The following CREB1 variants were observed in gnomAD, a reference collection of about 807,000 sequenced individuals.
CREB1 encodes cAMP responsive element binding protein 1, also known as cyclic AMP-responsive element-binding protein 1.
In CREB1, 2 loss-of-function variants were observed where a neutral mutation model predicts 42.0. The observed-to-expected ratio is 0.05, with a 90% CI of 0.02 to 0.15. The LOEUF (loss-of-function observed/expected upper bound fraction) is 0.15, where lower values mean the gene tolerates loss of function less well. Ranked by LOEUF, CREB1 falls within the 10% of genes least tolerant of loss-of-function variation. The pLI is 1.00. For synonymous variants in CREB1, 123 were observed against 139.9 expected (o/e 0.88, Z 0.85); for missense variants, 199 against 388.9 (o/e 0.51, Z 4.11).
At chr2:207,595,637 C>T (rs2106636783) in intron 7 of CREB1, among the ~76,000 whole-genome samples, 1 of 152,214 alleles carries the variant, frequency 6.6e-6, no homozygotes, top group East Asian at 1.9e-4. Flanking sequence ...GATCACGGCT[C>T]ACTGCAACCT....
intron 7 of CREB1, among the ~76,000 whole-genome samples, chr2:207,580,334 A>G (rs2106602092): frequency 6.6e-6 from 1 of 152,334 alleles, no homozygotes; most frequent in African/African-American, 2.4e-5. Context: ...AGGGATGTGT[A>G]GCCTAAGGAG....
At chr2:207,596,839 GAAAAA>G (rs72094349) in intron 7 of CREB1, 70 bp from the exon 8 acceptor site, 9 of 1,363,620 alleles carry the variant, frequency 6.6e-6, no homozygotes, top group Admixed American at 2.5e-5. Flanking sequence ...CTTTAAAAAA[GAAAAA>G]AAAAAGGTAA....
intron 6 of CREB1, among the ~76,000 whole-genome samples, chr2:207,576,241 C>CTTTTTTTTTTTTTTTTTTTGTTT (rs35735523): frequency 1.2e-4 from 12 of 101,062 alleles, no homozygotes; most frequent in African/African-American, 2.7e-4. Flanking sequence ...CTTTTTTTGG[C>CTTTTTTTTTTTTTTTTTTTGTTT]TTTTTTTTTT....
chr2:207,555,729 C>A lies in CREB1; in HGVS notation c.94C>A (p.Gln32Lys). The A allele has an allele frequency of 1.2e-6, 2 of 1,612,284 alleles. No individual in the cohort carries two copies. The highest frequency in any genetic ancestry group is 1.7e-6 in the Non-Finnish European group (2 of 1,178,492). The stretch of plus-strand genomic sequence containing the variant: ...ACAAATGACAGTTCAAGCCCAGCCA[C>A]AGATTGCCACATTAGCCCAGGTATA... ...NQQMTVQAQPQIATLAQVSMP... is the reference protein window; with the variant it reads ...NQQMTVQAQPKIATLAQVSMP... The change falls in exon 2 of 8, where the codon CAG (glutamine) becomes AAG (lysine). Residue 32 changes from glutamine to lysine, a missense_variant. By Grantham distance (53) the Gln-to-Lys change is moderately conservative. Coordinates refer to ENST00000353267, the MANE Select transcript of CREB1 (RefSeq NM_004379.5).
chr2:207,591,550 A>G (rs1168223641), intron 7 of CREB1, among the ~76,000 whole-genome samples: 1 of 152,170 alleles, frequency 6.6e-6, no homozygotes, highest in African/African-American at 2.4e-5. Context: ...CTCGTGCCTC[A>G]GCTTCCAAAA....
At chr2:207,563,532 C>T (rs890099608) in intron 3 of CREB1, among the ~76,000 whole-genome samples, 3 of 152,158 alleles carry the variant, frequency 2.0e-5, no homozygotes, top group Admixed American at 6.5e-5. Context: ...AGTAAGCATA[C>T]CTCAAATGCA....
chr2:207,585,511 A>G (rs950189313), intron 7 of CREB1, among the ~76,000 whole-genome samples: 1 of 152,240 alleles, frequency 6.6e-6, no homozygotes, highest in Admixed American at 6.5e-5. Context: ...AGGACACAAG[A>G]AACATAAAAT....
At chr2:207,558,114 T>G (rs1353465497) in intron 2 of CREB1, among the ~76,000 whole-genome samples, 1 of 152,138 alleles carries the variant, frequency 6.6e-6, no homozygotes, top group Non-Finnish European at 1.5e-5. Flanking sequence ...TAAGCAAGAT[T>G]TATAGTGGCC....
At chr2:207,560,413 T>C in intron 3 of CREB1, 41 bp downstream of exon 3, 1 of 1,584,576 alleles carries the variant, frequency 6.3e-7, no homozygotes, top group Non-Finnish European at 8.6e-7. Flanking sequence ...TAATAACTTT[T>C]GTTTATAGCC....
intron 1 of CREB1, among the ~76,000 whole-genome samples, chr2:207,535,458 T>C (rs1245370178): frequency 1.3e-5 from 2 of 152,178 alleles, no homozygotes; most frequent in African/African-American, 4.8e-5. Flanking sequence ...TCATGGGATA[T>C]TATTACCCAG....
intron 3 of CREB1, among the ~76,000 whole-genome samples, chr2:207,564,691 G>T (rs1047478129): frequency 9.9e-5 from 15 of 152,026 alleles, no homozygotes; most frequent in African/African-American, 3.4e-4. Context: ...TAATCGAAAC[G>T]GGGTCCTCCA....
chr2:207,538,916 A>G (rs1372722924), intron 1 of CREB1, among the ~76,000 whole-genome samples: 2 of 152,252 alleles, frequency 1.3e-5, no homozygotes, highest in Non-Finnish European at 2.9e-5. Flanking sequence ...CCAAGGTTAA[A>G]TAACCATTAT....
Position 207,602,916 on chromosome 2 carries a change from T to C in CREB1, c.*5858T>C, listed in dbSNP as rs2087338299. 1 of 216,334 alleles carries C rather than the reference T, an allele frequency of 4.6e-6. No homozygotes were observed. The highest frequency in any genetic ancestry group is 9.3e-6 in the Non-Finnish European group (1 of 107,402). The allele number at this position is 216,334 out of a possible 1,614,324, so 13.4% of individuals were successfully genotyped here. A position where few individuals can be genotyped will look rare whatever the true frequency, so the allele number is the denominator to read the frequency against. On this transcript the variant is annotated 3_prime_UTR_variant, in exon 8 of 8. Coordinates refer to ENST00000353267, the MANE Select transcript of CREB1 (RefSeq NM_004379.5). ...CACTCCCTGCAAAAGGAATTATTTC[T>C]AACCCAGATGTATCACTTGAAACTT...
At chr2:207,556,686 C>T (rs1280886429) in intron 2 of CREB1, among the ~76,000 whole-genome samples, 2 of 152,180 alleles carry the variant, frequency 1.3e-5, no homozygotes, top group East Asian at 3.8e-4. Flanking sequence ...GGGTTTACCT[C>T]CAGCCTTCAG....
rs559124215 is a variant in CREB1 at position 207,578,804 on chromosome 2, C to T, written c.839+1149C>T. ...ACAAGCCAAGTGACTTTTTTTTTTT[C>T]TCCCGAGATGAAGTCTTGCTCTGTC... On this transcript the variant is annotated intron_variant, in intron 7 of 7. Transcript: ENST00000353267. 4.7e-4 allele frequency among the ~76,000 whole-genome samples: 70 copies of T among 148,954 alleles called. 1 individual carries two copies. The highest frequency in any genetic ancestry group is 4.5e-3 in the Admixed American group (68 of 15,046).
intron 1 of CREB1, among the ~76,000 whole-genome samples, chr2:207,548,976 A>G (rs940682743): frequency 2.0e-5 from 3 of 152,224 alleles, no homozygotes; most frequent in Admixed American, 1.3e-4. Context: ...TTGCTTTGTA[A>G]TATCTAGATT....
chr2:207,534,725 A>G (rs1011841462), intron 1 of CREB1: 13 of 152,246 alleles, frequency 8.5e-5, no homozygotes, highest in Non-Finnish European at 5.9e-5. Flanking sequence ...GGTTTTTTGA[A>G]TAAGTAATTC....
intron 6 of CREB1, 97 bp from the exon 7 acceptor site, chr2:207,577,408 T>G: frequency 1.4e-6 from 2 of 1,464,168 alleles, no homozygotes; most frequent in South Asian, 1.3e-5. Flanking sequence ...TTGTTTCCCT[T>G]TTAGTCCAAA....
rs1224081323 is a variant in CREB1 at position 207,597,308 on chromosome 2, C to T, written c.*250C>T. Reference sequence around the variant, plus strand: ...TCATGAAGAGACTTCTGCTTTTCAACCCCCACCCTCCTCAAGAAGTAATAA... The same window carrying T: ...TCATGAAGAGACTTCTGCTTTTCAATCCCCACCCTCCTCAAGAAGTAATAA... On this transcript the variant is annotated 3_prime_UTR_variant, in exon 8 of 8. Coordinates refer to ENST00000353267, the MANE Select transcript of CREB1 (RefSeq NM_004379.5). 5.1e-6 allele frequency: 2 copies of T among 390,530 alleles called. No individual in the cohort carries two copies. Among genetic ancestry groups the T allele is most frequent in the Admixed American group, 4.7e-5 (1 of 21,478 alleles). 24.2% of individuals were successfully genotyped at this position (390,530 alleles called of 1,614,324 possible).
Sources: allele counts gnomAD v4.1 joint callset (sites outside exome capture counted in the v4.1 genomes callset), GRCh38; gene constraint gnomAD v4.1.1; transcripts MANE v1.5; gene names NCBI Gene and HGNC (gene_info 2026-07-23, HGNC 2026-07-21).